Variants in MIS18A observed in about 807,000 individuals in gnomAD.
The protein encoded by MIS18A is MIS18 kinetochore protein A, also known as protein Mis18-alpha.
MIS18A carries 14 observed loss-of-function variants against 25.0 expected under a neutral mutation model. That is an observed-to-expected ratio of 0.56 (90% CI 0.37 to 0.88). MIS18A has a LOEUF of 0.88. Among genes scored for constraint, MIS18A ranks in the 40% least tolerant of loss-of-function variants. The pLI, the probability that MIS18A is intolerant of heterozygous loss-of-function variation, is 0.00. For missense variants in MIS18A, 292 were observed against 290.8 expected (o/e 1.00, Z -0.03); for synonymous variants, 134 against 118.6 (o/e 1.13, Z -0.84).
At chr21:32,161,067 C>T in the MIS18A span, among the ~76,000 whole-genome samples, 434 of 152,296 alleles carry the variant, frequency 2.8e-3, 2 homozygotes, top group African/African-American at 9.8e-3. Context: ...CATGACTTTT[C>T]CCTTTAGCTT....
Position 32,278,967 on chromosome 21 carries a change from G to A in MIS18A, c.48C>T (p.Gly16=), listed in dbSNP as rs751890236. ...ATTTGCCCTTGTCGCCGCACTCACA[G>A]CCGCCAGCGCATCCTCTGCTACACC... ...SLRCSRGCAG[G]CECGDKGKCS... Residue 16 remains glycine, a synonymous_variant, in exon 1 of 5, where the codon GGC becomes GGT. Transcript: ENST00000290130. The A allele has an allele frequency of 3.7e-6, 6 of 1,611,702 alleles. No homozygotes were observed. The African/African-American group carries it at 8.0e-5, about 22-fold the overall frequency.
chr21:32,175,635 C>T, the MIS18A span, among the ~76,000 whole-genome samples: 5 of 129,304 alleles, frequency 3.9e-5, no homozygotes, highest in African/African-American at 9.5e-5. Flanking sequence ...TAGTGAAACC[C>T]GGTCTCTACT....
chr21:32,173,078 C>CA, the MIS18A span, among the ~76,000 whole-genome samples: 76,566 of 151,808 alleles, frequency 0.5, 20,205 homozygotes, highest in African/African-American at 0.65. Flanking sequence ...ATTATGACAC[C>CA]AAAGCATAAC....
intron 1 of MIS18A, among the ~76,000 whole-genome samples, chr21:32,277,093 G>A (rs1384821823): frequency 6.6e-6 from 1 of 152,140 alleles, no homozygotes; most frequent in Non-Finnish European, 1.5e-5. Flanking sequence ...GGTAAGGAAG[G>A]AATGGAAATG....
the MIS18A span, among the ~76,000 whole-genome samples, chr21:32,201,343 G>C: frequency 6.6e-6 from 1 of 151,904 alleles, no homozygotes; most frequent in Non-Finnish European, 1.5e-5. Flanking sequence ...AAAATACACT[G>C]AAAGTCTGTT....
At chr21:32,199,485 C>A in the MIS18A span, among the ~76,000 whole-genome samples, 1 of 152,080 alleles carries the variant, frequency 6.6e-6, no homozygotes, top group African/African-American at 2.4e-5. Context: ...TGGCCTCAGA[C>A]CACAGAATGC....
At chr21:32,258,834 T>TTTTATTTA in the MIS18A span, among the ~76,000 whole-genome samples, 84 of 140,906 alleles carry the variant, frequency 6.0e-4, no homozygotes, top group East Asian at 8.3e-4. Flanking sequence ...AGGGTCTGCA[T>TTTTATTTA]TTTATTTATT....
chr21:32,271,835 T>C (rs2031720045), intron 2 of MIS18A, among the ~76,000 whole-genome samples: 2 of 152,184 alleles, frequency 1.3e-5, no homozygotes, highest in Non-Finnish European at 2.9e-5. Flanking sequence ...CCATGCTATA[T>C]ATCAAACCTC....
the MIS18A span, among the ~76,000 whole-genome samples, chr21:32,235,977 G>A: frequency 6.6e-6 from 1 of 152,120 alleles, no homozygotes; most frequent in East Asian, 1.9e-4. Flanking sequence ...CCCTGCAAGT[G>A]GCATCAGAGA....
chr21:32,235,768 T>C, the MIS18A span, among the ~76,000 whole-genome samples: 1 of 152,172 alleles, frequency 6.6e-6, no homozygotes, highest in African/African-American at 2.4e-5. Flanking sequence ...CATCCATCAT[T>C]GGACTGCCTG....
At chr21:32,247,282 C>T in the MIS18A span, among the ~76,000 whole-genome samples, 1 of 152,200 alleles carries the variant, frequency 6.6e-6, no homozygotes, top group African/African-American at 2.4e-5. Flanking sequence ...CTCAAGTCTA[C>T]ACTCATCCCG....
the MIS18A span, among the ~76,000 whole-genome samples, chr21:32,180,334 C>T: frequency 6.6e-6 from 1 of 152,194 alleles, no homozygotes; most frequent in Non-Finnish European, 1.5e-5. Context: ...AGCAGCCCAG[C>T]TCCTAAGGTC....
intron 2 of MIS18A, 94 bp downstream of exon 2, chr21:32,274,736 T>A (rs2031778628): frequency 1.0e-6 from 1 of 973,250 alleles, no homozygotes; most frequent in African/African-American, 1.7e-5. Context: ...TGAAAAGTTT[T>A]ATCCCAAGTA....
chr21:32,184,391 T>C, the MIS18A span, among the ~76,000 whole-genome samples: 2 of 152,210 alleles, frequency 1.3e-5, no homozygotes, highest in Non-Finnish European at 2.9e-5. Flanking sequence ...GAATCACTTA[T>C]AATTCTGCCA....
the MIS18A span, among the ~76,000 whole-genome samples, chr21:32,227,076 T>C: frequency 6.6e-6 from 1 of 152,028 alleles, no homozygotes; most frequent in Non-Finnish European, 1.5e-5. Context: ...AAGCAGTGCT[T>C]ATAGGGAAAT....
the MIS18A span, among the ~76,000 whole-genome samples, chr21:32,258,293 A>G: frequency 9.2e-5 from 14 of 151,920 alleles, no homozygotes; most frequent in Admixed American, 7.9e-4. Flanking sequence ...GATGTAAGCA[A>G]TTTTAGGGAC....
chr21:32,170,789 A>C, the MIS18A span, among the ~76,000 whole-genome samples: 1 of 152,104 alleles, frequency 6.6e-6, no homozygotes, highest in Non-Finnish European at 1.5e-5. Context: ...CATCAAGACC[A>C]AGTGGGATTC....
chr21:32,276,592 G>T (rs1601081648), intron 1 of MIS18A, among the ~76,000 whole-genome samples: 1 of 151,652 alleles, frequency 6.6e-6, no homozygotes, highest in Non-Finnish European at 1.5e-5. Flanking sequence ...CTATTAAGAA[G>T]CTTTTTTATG....
At chr21:32,239,442 T>A in the MIS18A span, among the ~76,000 whole-genome samples, 13 of 152,186 alleles carry the variant, frequency 8.5e-5, no homozygotes, top group East Asian at 2.5e-3. Flanking sequence ...ACTGATAAGG[T>A]TTGACAGAAA....
Sources: allele counts gnomAD v4.1 joint callset (sites outside exome capture counted in the v4.1 genomes callset), GRCh38; gene constraint gnomAD v4.1.1; transcripts MANE v1.5; gene names NCBI Gene and HGNC (gene_info 2026-07-23, HGNC 2026-07-21).